RABGAP1L: variants seen among roughly 807,000 people sequenced by gnomAD.
RABGAP1L encodes the protein RAB GTPase activating protein 1 like.
A neutral mutation model predicts 137.7 loss-of-function variants in RABGAP1L; 63 were observed. That is an observed-to-expected ratio of 0.46 (90% CI 0.37 to 0.56). RABGAP1L has a LOEUF of 0.56. Ranked by LOEUF, RABGAP1L falls within the 20% of genes least tolerant of loss-of-function variation. RABGAP1L has a pLI of 0.00. For missense variants in RABGAP1L, 1,095 were observed against 1,244.0 expected, an observed-to-expected ratio of 0.88 and a Z score of 1.80; for synonymous variants, 431 against 433.7, an observed-to-expected ratio of 0.99 and a Z score of 0.08.
chr1:174,652,609 C>T (rs898529283), intron 14 of RABGAP1L, among the ~76,000 whole-genome samples: 4 of 152,226 alleles, frequency 2.6e-5, no homozygotes, highest in African/African-American at 9.6e-5. Context: ...CCTTGTTTGC[C>T]TGCGTATCAC....
chr1:174,561,225 A>G (rs1667191176), intron 13 of RABGAP1L, among the ~76,000 whole-genome samples: 1 of 152,212 alleles, frequency 6.6e-6, no homozygotes, highest in South Asian at 2.1e-4. Context: ...CACCAAAAAC[A>G]GAGAGCCAAA....
At chr1:174,528,568 CATT>C (rs1204063831) in intron 13 of RABGAP1L, among the ~76,000 whole-genome samples, 1 of 147,192 alleles carries the variant, frequency 6.8e-6, no homozygotes, top group Non-Finnish European at 1.5e-5. Context: ...CAAAGAAACT[CATT>C]GTTAGTCTGA....
intron 4 of RABGAP1L, 98 bp downstream of exon 4, chr1:174,231,453 C>T (rs1283050941): frequency 9.2e-7 from 1 of 1,091,596 alleles, no homozygotes; most frequent in African/African-American, 1.6e-5. Context: ...ACTGTGAACT[C>T]ACACTGTAGA....
At chr1:174,310,938 C>G (rs1259351099) in intron 11 of RABGAP1L, among the ~76,000 whole-genome samples, 1 of 151,994 alleles carries the variant, frequency 6.6e-6, no homozygotes, top group Non-Finnish European at 1.5e-5. Flanking sequence ...TTAAATTGTA[C>G]AATTAAGTTA....
chr1:174,931,990 GTTTTT>G (rs532860564), intron 19 of RABGAP1L, among the ~76,000 whole-genome samples: 1 of 69,646 alleles, frequency 1.4e-5, no homozygotes, highest in Non-Finnish European at 2.7e-5. Context: ...TGCTTTTTTG[GTTTTT>G]TTTTTTTTTT....
chr1:174,974,355 C>T (rs1317402247), intron 21 of RABGAP1L, among the ~76,000 whole-genome samples: 1 of 152,142 alleles, frequency 6.6e-6, no homozygotes, highest in African/African-American at 2.4e-5. Flanking sequence ...GGTCTCCCTG[C>T]TTTGTGAGTA....
chr1:174,537,876 C>T (rs1268835700), intron 13 of RABGAP1L, among the ~76,000 whole-genome samples: 1 of 152,196 alleles, frequency 6.6e-6, no homozygotes, highest in African/African-American at 2.4e-5. Context: ...CAAGTGGCTT[C>T]ACATACCCTA....
intron 1 of RABGAP1L, among the ~76,000 whole-genome samples, chr1:174,195,067 A>AT: frequency 6.6e-6 from 1 of 152,122 alleles, no homozygotes; most frequent in South Asian, 2.1e-4. Context: ...CAGGAAGAGT[A>AT]TATTATATGA....
At position 174,994,871 on chromosome 1, in the gene RABGAP1L, A is replaced by G. The variant is rs1672276660; in HGVS notation, c.*4870A>G. The G allele has an allele frequency of 6.6e-6, 1 of 152,182 alleles. No homozygotes were observed. Among genetic ancestry groups the G allele is most frequent in the African/African-American group, 2.4e-5 (1 of 41,444 alleles). 9.4% of individuals were successfully genotyped at this position (152,182 alleles called of 1,614,324 possible). A position where few individuals can be genotyped will look rare whatever the true frequency, so the allele number is the denominator to read the frequency against. ...AGAGATTCTGGAATTGTCTATTTTT[A>G]TGAATTCCATTATTTTGTCCATGGC... On this transcript the variant is annotated 3_prime_UTR_variant, in exon 26 of 26. Coordinates refer to ENST00000681986, the MANE Select transcript of RABGAP1L (RefSeq NM_001366446.1).
At position 174,613,882 on chromosome 1, in the gene RABGAP1L, C is replaced by G. The variant is rs543839902; in HGVS notation, c.1711-23493C>G. Among the ~76,000 whole-genome samples the G allele has an allele frequency of 3.3e-5, 5 of 152,142 alleles. No homozygotes were observed. In the South Asian group the frequency reaches 8.3e-4, roughly 25 times the overall value. On this transcript the variant is annotated intron_variant, in intron 13 of 25. Transcript: ENST00000681986. The stretch of plus-strand genomic sequence containing the variant: ...TTATCAGAGACTAGGATTGCAACCC[C>G]TGCCTTTTTTTGTTTTCCATTTGCT...
intron 13 of RABGAP1L, among the ~76,000 whole-genome samples, chr1:174,615,954 T>C (rs1212704744): frequency 6.6e-6 from 1 of 152,144 alleles, no homozygotes; most frequent in African/African-American, 2.4e-5. Flanking sequence ...CGGGTGGGAG[T>C]TACCCGATTT....
At chr1:174,735,643 A>C (rs554346752) in intron 17 of RABGAP1L, among the ~76,000 whole-genome samples, 9 of 135,738 alleles carry the variant, frequency 6.6e-5, no homozygotes, top group Middle Eastern at 3.9e-3. Flanking sequence ...AAAAAAAAAG[A>C]AATACCTGAG....
Position 174,448,056 on chromosome 1 carries a change from G to A in RABGAP1L, c.1710+53911G>A. ...CATGTGCGGTGTTTAACAGATGCTG[G>A]GCAGGGCATCTGCTTGCTGTAGCCA... is the stretch of plus-strand genomic sequence containing the variant. On this transcript the variant is annotated intron_variant, in intron 13 of 25. Transcript: ENST00000681986. The surrounding 1 kb of genome is among the most constrained non-coding windows in gnomAD (Gnocchi z 4.2). The A allele has an allele frequency of 6.7e-7, 1 of 1,494,464 alleles. No homozygotes were observed. Among genetic ancestry groups the A allele is most frequent in the South Asian group, 1.3e-5 (1 of 79,624 alleles). 92.6% of individuals were successfully genotyped at this position (1,494,464 alleles called of 1,614,324 possible).
chr1:174,982,236 A>C (rs909597479), intron 23 of RABGAP1L, among the ~76,000 whole-genome samples: 5 of 152,146 alleles, frequency 3.3e-5, no homozygotes, highest in African/African-American at 1.2e-4. Flanking sequence ...TGAACCCATC[A>C]ACCCGTCACC....
intron 13 of RABGAP1L, among the ~76,000 whole-genome samples, chr1:174,542,091 G>A (rs1207595053): frequency 3.3e-5 from 5 of 152,148 alleles, no homozygotes; most frequent in Non-Finnish European, 7.4e-5. Flanking sequence ...TTGGTATCAG[G>A]ATGATGCTGG....
In RABGAP1L at chr1:174,370,973, C is replaced by A; in HGVS notation, c.1466-6C>A. The A allele has an allele frequency of 6.9e-7, 1 of 1,449,598 alleles. No homozygotes were observed. The highest frequency in any genetic ancestry group is 1.4e-5 in the African/African-American group (1 of 73,112). 89.8% of individuals were successfully genotyped at this position (1,449,598 alleles called of 1,614,324 possible). A position where few individuals can be genotyped will look rare whatever the true frequency, so the allele number is the denominator to read the frequency against. On this transcript the variant is annotated splice_region_variant and splice_polypyrimidine_tract_variant and intron_variant, in intron 11 of 25. Transcript: ENST00000681986. ...ATGTTTGTTGGTTTTTGCGTTTCTTCTGCAGAGAGTGATAATGAACTCTCA... is the reference window on the plus strand; with the variant it reads ...ATGTTTGTTGGTTTTTGCGTTTCTTATGCAGAGAGTGATAATGAACTCTCA...
At chr1:174,207,397 A>G (rs772466960) in intron 1 of RABGAP1L, among the ~76,000 whole-genome samples, 4 of 152,196 alleles carry the variant, frequency 2.6e-5, no homozygotes, top group Admixed American at 1.3e-4. Context: ...AGATTGCCAT[A>G]CATAAAGACA....
At chr1:174,453,935 T>C (rs1318516903) in intron 13 of RABGAP1L, among the ~76,000 whole-genome samples, 1 of 152,176 alleles carries the variant, frequency 6.6e-6, no homozygotes, top group Non-Finnish European at 1.5e-5. Context: ...TGGTAAAAAT[T>C]TCTTTTATAA....
intron 18 of RABGAP1L, among the ~76,000 whole-genome samples, chr1:174,777,429 A>G (rs543761656): frequency 4.7e-4 from 71 of 152,306 alleles, no homozygotes; most frequent in African/African-American, 1.7e-3. Context: ...TGCCCATAGG[A>G]CATGCTCAGT....
Sources: gnomAD v4.1 joint callset for allele counts (sites outside exome capture counted in the v4.1 genomes callset) on GRCh38, gnomAD v4.1.1 for gene constraint, Gnocchi (gnomAD v3.1) non-coding constraint, MANE v1.5 for transcripts, NCBI Gene and HGNC (gene_info 2026-07-23, HGNC 2026-07-21) for gene names.